The following THSD4 variants were observed in gnomAD, a reference collection of about 807,000 sequenced individuals.
THSD4 encodes thrombospondin type-1 domain-containing protein 4.
A neutral mutation model predicts 119.0 loss-of-function variants in THSD4; 69 were observed. That is an observed-to-expected ratio of 0.58 (90% CI 0.48 to 0.71). THSD4 has a LOEUF of 0.71. THSD4 is among the 30% of genes least tolerant of loss of function. The probability of loss-of-function intolerance (pLI) is 0.00; values close to 1 mark genes in which losing one functional copy is unlikely to be tolerated. For synonymous variants in THSD4, 524 were observed against 540.4 expected, an observed-to-expected ratio of 0.97 and a Z score of 0.42; for missense variants, 1,393 against 1,391.1, an observed-to-expected ratio of 1.00 and a Z score of -0.02.
intron 7 of THSD4, among the ~76,000 whole-genome samples, chr15:71,631,254 A>C (rs1378237489): frequency 6.6e-6 from 1 of 152,190 alleles, no homozygotes; most frequent in African/African-American, 2.4e-5. Context: ...GGGCATCAGT[A>C]GCTTTTCAAA....
intron 8 of THSD4, among the ~76,000 whole-genome samples, chr15:71,678,657 A>G (rs2051702823): frequency 6.6e-6 from 1 of 152,170 alleles, no homozygotes; most frequent in African/African-American, 2.4e-5. Context: ...AACCGCCTTT[A>G]TTAGCTTTGC....
intron 6 of THSD4, among the ~76,000 whole-genome samples, chr15:71,300,002 T>TATATATATATATATATATA (rs2044926604): frequency 2.1e-5 from 3 of 141,238 alleles, no homozygotes; most frequent in African/African-American, 8.0e-5. Context: ...TATATATATA[T>TATATATATATATATATATA]TAGCCATGGG....
intron 6 of THSD4, among the ~76,000 whole-genome samples, chr15:71,401,570 G>A (rs531257309): frequency 1.8e-4 from 27 of 152,022 alleles, no homozygotes; most frequent in Admixed American, 3.9e-4. Flanking sequence ...TTTCACATTT[G>A]TTCTGTTGAA....
chr15:71,388,279 A>G (rs1596390833), intron 6 of THSD4, among the ~76,000 whole-genome samples: 1 of 152,198 alleles, frequency 6.6e-6, no homozygotes, highest in Admixed American at 6.5e-5. Context: ...TAATTTGCTC[A>G]CCAAACCTAT....
At chr15:71,279,280 A>C (rs1035402069) in intron 6 of THSD4, among the ~76,000 whole-genome samples, 1 of 150,804 alleles carries the variant, frequency 6.6e-6, no homozygotes, top group South Asian at 2.1e-4. Flanking sequence ...CTCATAGTGT[A>C]ATAGCTTTGG....
At chr15:71,429,096 C>T (rs1464218460) in intron 7 of THSD4, among the ~76,000 whole-genome samples, 1 of 152,190 alleles carries the variant, frequency 6.6e-6, no homozygotes, top group African/African-American at 2.4e-5. Context: ...CCACTTCCTC[C>T]TCTGAAGGTT....
At chr15:71,227,025 A>G (rs2044022914) in intron 4 of THSD4, among the ~76,000 whole-genome samples, 1 of 152,156 alleles carries the variant, frequency 6.6e-6, no homozygotes, top group South Asian at 2.1e-4. Flanking sequence ...GTGTTCCAAT[A>G]TGCTTTGATT....
chr15:71,315,433 CA>C (rs2045173243), intron 6 of THSD4, among the ~76,000 whole-genome samples: 1 of 152,212 alleles, frequency 6.6e-6, no homozygotes, highest in African/African-American at 2.4e-5. Context: ...TCAAAGCCTG[CA>C]TGACACTCCG....
intron 1 of THSD4, among the ~76,000 whole-genome samples, chr15:71,128,787 T>G (rs2040477092): frequency 6.6e-6 from 1 of 152,162 alleles, no homozygotes; most frequent in Non-Finnish European, 1.5e-5. Context: ...GAATGAGTGT[T>G]TCTGGTTTTA....
At chr15:71,648,114 C>T (rs1337326027) in intron 7 of THSD4, among the ~76,000 whole-genome samples, 1 of 152,200 alleles carries the variant, frequency 6.6e-6, no homozygotes, top group South Asian at 2.1e-4. Flanking sequence ...AACCCGCCAC[C>T]ATCACTTCTG....
intron 7 of THSD4, among the ~76,000 whole-genome samples, chr15:71,557,609 C>G (rs547072062): frequency 7.9e-5 from 12 of 152,006 alleles, no homozygotes; most frequent in Non-Finnish European, 1.3e-4. Flanking sequence ...ATGTGTTTTT[C>G]CCCCACAGGG....
intron 7 of THSD4, among the ~76,000 whole-genome samples, chr15:71,464,640 TATC>T (rs1287827792): frequency 6.6e-6 from 1 of 152,172 alleles, no homozygotes; most frequent in East Asian, 1.9e-4. Context: ...TGTCCCTCAG[TATC>T]ATCTTTCTCA....
At chr15:71,342,672 T>G (rs915784281) in intron 6 of THSD4, 6 of 152,420 alleles carry the variant, frequency 3.9e-5, no homozygotes, top group African/African-American at 1.4e-4. Flanking sequence ...ATGTTCGTCC[T>G]TGTTCTCCAG....
chr15:71,302,913 T>C (rs948855527), intron 6 of THSD4, among the ~76,000 whole-genome samples: 3 of 152,090 alleles, frequency 2.0e-5, no homozygotes, highest in African/African-American at 7.2e-5. Context: ...CAGGAGGGTC[T>C]TGCAGTCATC....
intron 8 of THSD4, among the ~76,000 whole-genome samples, chr15:71,684,186 T>C (rs534429131): frequency 2.0e-5 from 3 of 152,318 alleles, no homozygotes; most frequent in South Asian, 4.1e-4. Context: ...AAAATTCTTA[T>C]CAATATACAG....
At chr15:71,495,280 C>A (rs1414590258) in intron 7 of THSD4, among the ~76,000 whole-genome samples, 2 of 152,082 alleles carry the variant, frequency 1.3e-5, no homozygotes, top group Non-Finnish European at 2.9e-5. Context: ...CAGTTCCAAC[C>A]CTGCCCTCAA....
chr15:71,565,799 G>A (rs2049225095), intron 7 of THSD4, among the ~76,000 whole-genome samples: 1 of 152,188 alleles, frequency 6.6e-6, no homozygotes, highest in African/African-American at 2.4e-5. Context: ...ATGGAAACAA[G>A]GGGGAAGCAT....
intron 6 of THSD4, among the ~76,000 whole-genome samples, chr15:71,400,089 ACAGT>A (rs1336384448): frequency 6.6e-6 from 1 of 152,166 alleles, no homozygotes; most frequent in South Asian, 2.1e-4. Context: ...GCCTATTAAA[ACAGT>A]CAGTAAAGTA....
chr15:71,470,231 T>C (rs902683374), intron 7 of THSD4, among the ~76,000 whole-genome samples: 2 of 152,200 alleles, frequency 1.3e-5, no homozygotes, highest in African/African-American at 4.8e-5. Context: ...AGAGCTTTGC[T>C]TTGGGATAAT....
Sources: allele counts gnomAD v4.1 joint callset (sites outside exome capture counted in the v4.1 genomes callset), GRCh38; gene constraint gnomAD v4.1.1; transcripts MANE v1.5; gene names NCBI Gene and HGNC (gene_info 2026-07-23, HGNC 2026-07-21).